The following WDR72 variants were observed in gnomAD, a reference collection of about 807,000 sequenced individuals.
WDR72 encodes WD repeat domain 72.
A neutral mutation model predicts 124.2 loss-of-function variants in WDR72; 120 were observed. The ratio of observed to expected loss-of-function variants is 0.97; its 90% CI spans 0.83 to 1.12. The LOEUF is 1.12. Among genes scored for constraint, WDR72 ranks in the 50% most tolerant of loss-of-function variants. The pLI is 0.00. For missense variants in WDR72, 1,387 were observed against 1,278.8 expected (o/e 1.08, Z -1.29); for synonymous variants, 452 against 441.7 (o/e 1.02, Z -0.29).
chr15:53,687,481 T>C (rs1225518890), intron 13 of WDR72, among the ~76,000 whole-genome samples: 30 of 149,054 alleles, frequency 2.0e-4, no homozygotes, highest in East Asian at 6.1e-4. Flanking sequence ...ATAAATTCCT[T>C]GACACATACA....
intron 2 of WDR72, among the ~76,000 whole-genome samples, chr15:53,726,264 G>GTGTGTATATATATA (rs1555428779): frequency 1.6e-4 from 18 of 110,356 alleles, no homozygotes; most frequent in African/African-American, 6.8e-4. Flanking sequence ...ATGTATGTGT[G>GTGTGTATATATATA]TATATATATA....
chr15:53,647,547 T>C (rs1247901438), intron 14 of WDR72, among the ~76,000 whole-genome samples: 2 of 152,022 alleles, frequency 1.3e-5, no homozygotes, highest in Non-Finnish European at 2.9e-5. Context: ...TCATTAGTAT[T>C]TTTTTCCTCT....
At chr15:53,741,852 C>T (rs886746341) in intron 1 of WDR72, among the ~76,000 whole-genome samples, 2 of 152,048 alleles carry the variant, frequency 1.3e-5, no homozygotes, top group Non-Finnish European at 1.5e-5. Context: ...CTCAGCCTCC[C>T]GAGTAGCTGG....
intron 18 of WDR72, 113 bp from the exon 19 acceptor site, chr15:53,523,435 C>T (rs1449183407): frequency 3.1e-6 from 3 of 953,160 alleles, no homozygotes; most frequent in Admixed American, 3.6e-5. Context: ...CAGGGACACA[C>T]TATGTAAACA....
chr15:53,639,858 A>T (rs1208883709), intron 14 of WDR72, among the ~76,000 whole-genome samples: 1 of 152,096 alleles, frequency 6.6e-6, no homozygotes, highest in East Asian at 1.9e-4. Flanking sequence ...CCTTCCTTGG[A>T]GTTCCCATGA....
At chr15:53,565,447 T>A (rs1894261899) in intron 18 of WDR72, among the ~76,000 whole-genome samples, 1 of 151,916 alleles carries the variant, frequency 6.6e-6, no homozygotes, top group South Asian at 2.1e-4. Flanking sequence ...TGCGTGTCTT[T>A]CCAGAGATGT....
rs114058175 is a variant in WDR72 at position 53,611,591 on chromosome 15, G to A, written c.2873-1999C>T. ...AGGCAACCCAGACTGGGGCTATTTA[G>A]ATGGAACATTATCTGTAATCATAAA... On this transcript the variant is annotated intron_variant, in intron 16 of 19. Transcript: ENST00000360509. 9.4e-3 allele frequency among the ~76,000 whole-genome samples: 1,430 copies of A among 152,236 alleles called. 31 individuals carry two copies. The highest frequency in any genetic ancestry group is 0.033 in the African/African-American group (1,378 of 41,564).
intron 11 of WDR72, 69 bp from the exon 12 acceptor site, chr15:53,702,423 T>C: frequency 1.5e-6 from 2 of 1,316,728 alleles, no homozygotes; most frequent in South Asian, 2.5e-5. Flanking sequence ...CAAGATTCTC[T>C]TCTATAAAAT....
rs145725093 is a variant in WDR72 at position 53,668,526 on chromosome 15, G to T, written c.1766-2758C>A. 9.5e-4 allele frequency among the ~76,000 whole-genome samples: 145 copies of T among 152,244 alleles called. 2 individuals are homozygous for T. The East Asian group carries it at 0.027, about 28-fold the overall frequency. ...GCTTTGTGAAAATGAATTTGGGCTTGATAAATATTTTCTCATTCATCAGCT... is the reference window on the plus strand; with the variant it reads ...GCTTTGTGAAAATGAATTTGGGCTTTATAAATATTTTCTCATTCATCAGCT... On this transcript the variant is annotated intron_variant, in intron 13 of 19. Coordinates refer to ENST00000360509, the MANE Select transcript of WDR72 (RefSeq NM_182758.4).
At chr15:53,695,986 G>A (rs1352056041) in intron 13 of WDR72, among the ~76,000 whole-genome samples, 1 of 152,060 alleles carries the variant, frequency 6.6e-6, no homozygotes, top group Non-Finnish European at 1.5e-5. Flanking sequence ...CAGACTTCTG[G>A]CAAGTTGAGA....
chr15:53,709,517 A>G (rs532537581), intron 9 of WDR72, among the ~76,000 whole-genome samples: 1 of 152,354 alleles, frequency 6.6e-6, no homozygotes, highest in Admixed American at 6.5e-5. Flanking sequence ...AGAAGCCCCT[A>G]AAGGGCACAA....
intron 1 of WDR72, among the ~76,000 whole-genome samples, chr15:53,758,508 TAAAAA>T (rs1196189476): frequency 1.3e-5 from 2 of 151,558 alleles, no homozygotes; most frequent in African/African-American, 4.8e-5. Flanking sequence ...TTGAAGGAGT[TAAAAA>T]AAGACAAAGG....
chr15:53,691,973 G>A (rs1384082572), intron 13 of WDR72, among the ~76,000 whole-genome samples: 1 of 152,134 alleles, frequency 6.6e-6, no homozygotes, highest in Admixed American at 6.5e-5. Context: ...TTCCTATGTG[G>A]CAGGTGCCAT....
chr15:53,545,231 C>G (rs1208696609), intron 18 of WDR72, among the ~76,000 whole-genome samples: 2 of 151,688 alleles, frequency 1.3e-5, no homozygotes. Flanking sequence ...AAGAACAAAG[C>G]TGGAGGCATC....
intron 13 of WDR72, among the ~76,000 whole-genome samples, chr15:53,681,199 C>G (rs1159363176): frequency 6.6e-6 from 1 of 152,184 alleles, no homozygotes; most frequent in Non-Finnish European, 1.5e-5. Context: ...ACAATCATTA[C>G]AGTCCACTGA....
rs60162102 is a variant in WDR72, at chr15:53,595,990, T to C, written c.3148+1089A>G. Among the ~76,000 whole-genome samples, 1,151 of 152,206 alleles carry C rather than the reference T, an allele frequency of 7.6e-3. 19 individuals carry two copies. Among genetic ancestry groups the C allele is most frequent in the African/African-American group, 0.027 (1,112 of 41,552 alleles). Reference sequence around the variant, plus strand: ...ATCTCTGGCCTTCACTAAATATGCCTTTTCATTTCTCTCTACATAACACTC... The same window carrying C: ...ATCTCTGGCCTTCACTAAATATGCCCTTTCATTTCTCTCTACATAACACTC... On this transcript the variant is annotated intron_variant, in intron 18 of 19. Transcript: ENST00000360509.
chr15:53,683,443 T>TTGTA (rs1339774077), intron 13 of WDR72, among the ~76,000 whole-genome samples: 2 of 152,160 alleles, frequency 1.3e-5, no homozygotes, highest in Non-Finnish European at 2.9e-5. Flanking sequence ...AAAGTATCAC[T>TTGTA]TGTACCCCAG....
chr15:53,604,295 T>C (rs1044825411), intron 17 of WDR72, among the ~76,000 whole-genome samples: 3 of 152,212 alleles, frequency 2.0e-5, no homozygotes, highest in Non-Finnish European at 4.4e-5. Context: ...AGATTAAAAC[T>C]GGACCCCTTC....
chr15:53,613,780 CATATTACTAAAAA>C, intron 15 of WDR72, 23 bp from the exon 16 acceptor site: 1 of 1,472,218 alleles, frequency 6.8e-7, no homozygotes. Flanking sequence ...AGATTGACAG[CATATTACTAAAAA>C]GCATGAAAAA....
Sources: gnomAD v4.1 joint callset for allele counts (sites outside exome capture counted in the v4.1 genomes callset) on GRCh38, gnomAD v4.1.1 for gene constraint, MANE v1.5 for transcripts, NCBI Gene and HGNC (gene_info 2026-07-23, HGNC 2026-07-21) for gene names.